The following CAMK1D variants were observed in gnomAD, a reference collection of about 807,000 sequenced individuals.
CAMK1D encodes the protein calcium/calmodulin dependent protein kinase ID.
CAMK1D carries 9 observed loss-of-function variants against 47.7 expected under a neutral mutation model. The observed-to-expected ratio is 0.19, with a 90% CI of 0.11 to 0.33. CAMK1D has a LOEUF of 0.33. CAMK1D is among the 10% of genes least tolerant of loss of function. The pLI is 1.00. For synonymous variants in CAMK1D, 184 were observed against 184.9 expected (o/e 0.99, Z 0.04); for missense variants, 291 against 488.7 (o/e 0.60, Z 3.81).
intron 3 of CAMK1D, among the ~76,000 whole-genome samples, chr10:12,709,371 C>A (rs896673436): frequency 6.6e-6 from 1 of 151,786 alleles, no homozygotes; most frequent in South Asian, 2.1e-4. Context: ...CAGAAGGCAC[C>A]AGCTGTCCCC....
intron 1 of CAMK1D, among the ~76,000 whole-genome samples, chr10:12,471,179 C>T (rs2768415): frequency 0.74 from 113,271 of 152,078 alleles, 42,434 homozygotes; most frequent in East Asian, 0.97. Flanking sequence ...CCCACCCCAG[C>T]GCACATGTTC....
At chr10:12,374,540 C>T (rs909174600) in intron 1 of CAMK1D, among the ~76,000 whole-genome samples, 21 of 152,236 alleles carry the variant, frequency 1.4e-4, no homozygotes, top group African/African-American at 5.1e-4. Context: ...CTCTGCCACC[C>T]ACTGCTCCCA....
rs950139872 is a variant in CAMK1D, at chr10:12,835,088, T to A, written c.*6201T>A. On this transcript the variant is annotated 3_prime_UTR_variant, in exon 11 of 11. Transcript: ENST00000619168. Reference sequence around the variant, plus strand: ...TGGGGCGCCATGTTTCAGAGAACATTTATCTTAGTCCCACGTTCAGGTGAG... The same window carrying A: ...TGGGGCGCCATGTTTCAGAGAACATATATCTTAGTCCCACGTTCAGGTGAG... 2 of 152,206 alleles carry A rather than the reference T, an allele frequency of 1.3e-5. No homozygotes were observed. The highest frequency in any genetic ancestry group is 2.9e-5 in the Non-Finnish European group (2 of 68,020). The allele number at this position is 152,206 out of a possible 1,614,324, so 9.4% of individuals were successfully genotyped here.
At chr10:12,583,728 A>C (rs1401146290) in intron 2 of CAMK1D, among the ~76,000 whole-genome samples, 1 of 151,226 alleles carries the variant, frequency 6.6e-6, no homozygotes, top group Admixed American at 6.6e-5. Context: ...CAGCCTCCCG[A>C]GTAGCTGGGA....
At position 12,574,497 on chromosome 10, in the gene CAMK1D, T is replaced by TTTTTTTTTA. The variant is rs368308201; in HGVS notation, c.224+21141_224+21142insTTTTTTTTA. 7.1e-4 allele frequency among the ~76,000 whole-genome samples: 92 copies of TTTTTTTTTA among 128,774 alleles called. 7 individuals are homozygous for TTTTTTTTTA. Among genetic ancestry groups the TTTTTTTTTA allele is most frequent in the African/African-American group, 2.7e-3 (87 of 32,520 alleles). The allele number at this position is 128,774 out of a possible 152,430, so 84.5% of individuals were successfully genotyped here. ...TTTTTTTTTTTTTTTTTTTTTTTTT[T>TTTTTTTTTA]AGTAGAGACGGGGCTTCGCCATGTT... On this transcript the variant is annotated intron_variant, in intron 2 of 10. Transcript: ENST00000619168.
At chr10:12,360,529 C>T in intron 1 of CAMK1D, among the ~76,000 whole-genome samples, 1 of 152,094 alleles carries the variant, frequency 6.6e-6, no homozygotes, top group East Asian at 1.9e-4. Flanking sequence ...TTCAAATTTG[C>T]CTTAAAACTT....
intron 3 of CAMK1D, among the ~76,000 whole-genome samples, chr10:12,734,346 ATATAT>A (rs1331418201): frequency 1.3e-3 from 6 of 4,576 alleles, no homozygotes; most frequent in African/African-American, 1.8e-3. Flanking sequence ...AAAAAAAAAA[ATATAT>A]ATATATATAT....
chr10:12,692,982 G>C (rs931470574), intron 3 of CAMK1D, among the ~76,000 whole-genome samples: 11 of 152,144 alleles, frequency 7.2e-5, no homozygotes, highest in Admixed American at 2.0e-4. Context: ...AGATGCTGCT[G>C]TGATTAACAT....
At position 12,834,174 on chromosome 10, in the gene CAMK1D, G is replaced by A. The variant is rs993014930; in HGVS notation, c.*5287G>A. 2 of 152,316 alleles carry A rather than the reference G, an allele frequency of 1.3e-5. No individual in the cohort carries two copies. Among genetic ancestry groups the A allele is most frequent in the African/African-American group, 4.8e-5 (2 of 41,468 alleles). 9.4% of individuals were successfully genotyped at this position (152,316 alleles called of 1,614,324 possible). On this transcript the variant is annotated 3_prime_UTR_variant, in exon 11 of 11. Coordinates refer to ENST00000619168, the MANE Select transcript of CAMK1D (RefSeq NM_153498.4). ...TTGACAACCTCAACTCTGGGGAGCA[G>A]GCAGGCGGTCTGAGGAAGATAAGGG...
At position 12,627,875 on chromosome 10, in the gene CAMK1D, C is replaced by G. The variant is rs1193087685; in HGVS notation, c.225-38861C>G. ...CAGGCAGATCACAAGGTCAGGAGAT[C>G]AAGACCATCCTGGCTAACATGGTGA... On this transcript the variant is annotated intron_variant, in intron 2 of 10. Coordinates refer to ENST00000619168, the MANE Select transcript of CAMK1D (RefSeq NM_153498.4). Among the ~76,000 whole-genome samples, 10 of 152,076 alleles carry G rather than the reference C, an allele frequency of 6.6e-5. 1 individual carries two copies. Among genetic ancestry groups the G allele is most frequent in the Admixed American group, 5.2e-4 (8 of 15,276 alleles).
At chr10:12,416,155 G>T (rs1588462097) in intron 1 of CAMK1D, among the ~76,000 whole-genome samples, 1 of 147,426 alleles carries the variant, frequency 6.8e-6, no homozygotes, top group South Asian at 2.2e-4. Flanking sequence ...TATTATTCTT[G>T]TTTTTTTTTT....
chr10:12,633,802 C>A (rs560099664), intron 2 of CAMK1D, among the ~76,000 whole-genome samples: 1 of 152,316 alleles, frequency 6.6e-6, no homozygotes, highest in East Asian at 1.9e-4. Flanking sequence ...AGTCATCCTC[C>A]TATCTCTGCC....
chr10:12,642,253 T>A (rs1450148675), intron 2 of CAMK1D, among the ~76,000 whole-genome samples: 2 of 152,228 alleles, frequency 1.3e-5, no homozygotes, highest in African/African-American at 4.8e-5. Context: ...GTGGATGGGT[T>A]CAGAGGGATT....
At position 12,733,701 on chromosome 10, in the gene CAMK1D, G is replaced by A. The variant is rs182046928; in HGVS notation, c.300-27247G>A. 4.1e-3 allele frequency among the ~76,000 whole-genome samples: 618 copies of A among 152,220 alleles called. 7 individuals are homozygous for A. The highest frequency in any genetic ancestry group is 0.037 in the Middle Eastern group (11 of 294). On this transcript the variant is annotated intron_variant, in intron 3 of 10. Coordinates refer to ENST00000619168, the MANE Select transcript of CAMK1D (RefSeq NM_153498.4). ...TTCATTTATGTTATGCCATACACCC[G>A]AATCCAATTTGTTTTGAATGACAGG...
chr10:12,357,475 C>T (rs527932247), intron 1 of CAMK1D, among the ~76,000 whole-genome samples: 1 of 152,164 alleles, frequency 6.6e-6, no homozygotes, highest in South Asian at 2.1e-4. Context: ...ACTACCACGC[C>T]CAGCTAATTT....
chr10:12,785,931 A>G (rs1837706089), intron 5 of CAMK1D, among the ~76,000 whole-genome samples: 1 of 152,250 alleles, frequency 6.6e-6, no homozygotes, highest in Non-Finnish European at 1.5e-5. Flanking sequence ...AGCAGGAGAG[A>G]GAACATCCTC....
chr10:12,798,064 G>A (rs190399131), intron 6 of CAMK1D, among the ~76,000 whole-genome samples: 6 of 152,360 alleles, frequency 3.9e-5, no homozygotes, highest in East Asian at 1.9e-4. Flanking sequence ...GCCTTCAAAG[G>A]CCATGAGGTA....
At chr10:12,460,659 A>C (rs1833396213) in intron 1 of CAMK1D, among the ~76,000 whole-genome samples, 1 of 152,034 alleles carries the variant, frequency 6.6e-6, no homozygotes, top group African/African-American at 2.4e-5. Context: ...TGAACTCCTG[A>C]CCTCATGATC....
At chr10:12,361,865 GT>G (rs1318053072) in intron 1 of CAMK1D, among the ~76,000 whole-genome samples, 1 of 151,896 alleles carries the variant, frequency 6.6e-6, no homozygotes, top group African/African-American at 2.4e-5. Flanking sequence ...CTATTTGACT[GT>G]TTTTTAAAAA....
Sources: allele counts gnomAD v4.1 joint callset (sites outside exome capture counted in the v4.1 genomes callset), GRCh38; gene constraint gnomAD v4.1.1; transcripts MANE v1.5; gene names NCBI Gene and HGNC (gene_info 2026-07-23, HGNC 2026-07-21).